The following TLK2 variants were observed in gnomAD, a reference collection of about 807,000 sequenced individuals.
TLK2 encodes the protein tousled like kinase 2.
TLK2 carries 6 observed loss-of-function variants against 117.3 expected under a neutral mutation model. The observed-to-expected ratio is 0.05, with a 90% CI of 0.03 to 0.10. The LOEUF is 0.10. Ranked by LOEUF, TLK2 falls within the 10% of genes least tolerant of loss-of-function variation. The pLI is 1.00. For missense variants in TLK2, 299 were observed against 901.2 expected (o/e 0.33, Z 8.56); for synonymous variants, 257 against 316.7 (o/e 0.81, Z 2.00).
chr17:62,543,501 T>C (rs1460350807), intron 7 of TLK2, among the ~76,000 whole-genome samples: 1 of 152,210 alleles, frequency 6.6e-6, no homozygotes, highest in East Asian at 1.9e-4. Context: ...CAGTACTTGC[T>C]ATTGTCTCTC....
At chr17:62,478,222 CG>C (rs1195491200), upstream of TLK2, 2 of 151,662 alleles carry the variant, frequency 1.3e-5, no homozygotes, top group Admixed American at 6.6e-5. Flanking sequence ...CCGGGAAGTC[CG>C]GGCGGGGTCC....
At chr17:62,491,446 C>T (rs1356227419) in intron 2 of TLK2, among the ~76,000 whole-genome samples, 1 of 152,066 alleles carries the variant, frequency 6.6e-6, no homozygotes, top group East Asian at 1.9e-4. Flanking sequence ...TCTATTCTTC[C>T]TCTCTACCTT....
intron 2 of TLK2, among the ~76,000 whole-genome samples, chr17:62,501,192 C>T (rs572136036): frequency 1.5e-4 from 23 of 151,956 alleles, no homozygotes; most frequent in Admixed American, 2.6e-4. Flanking sequence ...GAGCCAAGAT[C>T]GTGCCACTAC....
At chr17:62,501,292 C>T (rs1480460175) in intron 2 of TLK2, among the ~76,000 whole-genome samples, 1 of 152,006 alleles carries the variant, frequency 6.6e-6, no homozygotes, top group Admixed American at 6.6e-5. Context: ...CACAGTATAT[C>T]AAAATTTGTG....
At chr17:62,544,579 A>T (rs2077769385) in intron 7 of TLK2, among the ~76,000 whole-genome samples, 1 of 152,182 alleles carries the variant, frequency 6.6e-6, no homozygotes, top group Non-Finnish European at 1.5e-5. Flanking sequence ...ACCTGTCTTT[A>T]TGCCAGGACC....
chr17:62,563,754 T>C (rs2079494882), intron 10 of TLK2, among the ~76,000 whole-genome samples: 1 of 152,230 alleles, frequency 6.6e-6, no homozygotes, highest in Non-Finnish European at 1.5e-5. Context: ...TGTCCTATAC[T>C]TAACATTCTT....
chr17:62,612,382 T>A lies in TLK2; in HGVS notation c.2080-10T>A, dbSNP rs533357037. 7 of 1,611,664 alleles carry A rather than the reference T, an allele frequency of 4.3e-6. No homozygotes were observed. In the Admixed American group the frequency reaches 1.0e-4, roughly 23 times the overall value. ...ATCTGCCTCTGTCTTCAAGAAACTC[T>A]CCTTTGCAGGCGTTTATTCGACGAT... On this transcript the variant is annotated splice_polypyrimidine_tract_variant and intron_variant, in intron 21 of 21. Transcript: ENST00000346027.
chr17:62,541,036 G>C (rs191642860), intron 7 of TLK2, among the ~76,000 whole-genome samples: 2 of 152,220 alleles, frequency 1.3e-5, no homozygotes, highest in East Asian at 3.9e-4. Context: ...TGCGTTGGCT[G>C]TTGCCTTTGC....
intron 2 of TLK2, among the ~76,000 whole-genome samples, chr17:62,499,725 C>T (rs1259805948): frequency 6.6e-6 from 1 of 151,910 alleles, no homozygotes; most frequent in Non-Finnish European, 1.5e-5. Context: ...GTGGCATGTG[C>T]CTGTAATCCC....
In TLK2 at chr17:62,536,329, T is replaced by C. The variant is rs2145841879; in HGVS notation, c.523T>C (p.Phe175Leu). Residue 175 changes from phenylalanine to leucine, a missense_variant, in exon 7 of 22, where the codon TTT becomes CTT. This residue lies in a region of TLK2 where 105 missense variants were observed against 218.4 expected (regional missense o/e 0.48). Transcript: ENST00000346027. ...AQRGAGLCFT[F>L]VSAQQNSPSS... ...AAGGGGAGCTGGCCTCTGCTTCACT[T>C]TTGTTTCAGTGAGTACAAAGCCTAA... 1 of 1,612,150 alleles carries C rather than the reference T, an allele frequency of 6.2e-7. No homozygotes were observed. Among genetic ancestry groups the C allele is most frequent in the East Asian group, 2.2e-5 (1 of 44,828 alleles).
intron 2 of TLK2, among the ~76,000 whole-genome samples, chr17:62,503,311 G>A (rs1346306799): frequency 6.6e-6 from 1 of 151,944 alleles, no homozygotes; most frequent in Non-Finnish European, 1.5e-5. Flanking sequence ...GCCTGCCTTG[G>A]CCTCCCAAAG....
At chr17:62,534,701 AT>A (rs1260524399) in intron 6 of TLK2, among the ~76,000 whole-genome samples, 6 of 151,628 alleles carry the variant, frequency 4.0e-5, no homozygotes, top group Non-Finnish European at 5.9e-5. Context: ...TTTTTACTTC[AT>A]TTTTTTCTTT....
At chr17:62,476,675 G>A (rs1437114022), upstream of TLK2, among the ~76,000 whole-genome samples, 1 of 152,184 alleles carries the variant, frequency 6.6e-6, no homozygotes, top group Admixed American at 6.5e-5. Flanking sequence ...AAGGTTAGAT[G>A]ATAGGCCCAT....
chr17:62,599,128 G>T (rs1488528273), intron 17 of TLK2, among the ~76,000 whole-genome samples: 1 of 152,102 alleles, frequency 6.6e-6, no homozygotes, highest in African/African-American at 2.4e-5. Context: ...TGTATTTTTA[G>T]TAGAGACAGA....
chr17:62,588,661 G>A (rs941416446), intron 16 of TLK2, among the ~76,000 whole-genome samples: 1 of 151,798 alleles, frequency 6.6e-6, no homozygotes, highest in South Asian at 2.1e-4. Context: ...TCTTTTTTTT[G>A]TTTTGTTTTG....
intron 21 of TLK2, among the ~76,000 whole-genome samples, chr17:62,609,725 T>TAC (rs1199983068): frequency 6.6e-6 from 1 of 152,254 alleles, no homozygotes; most frequent in Non-Finnish European, 1.5e-5. Context: ...GTGTCAGCTC[T>TAC]ACACTCAGTA....
chr17:62,523,409 T>C (rs1171742131), intron 5 of TLK2, among the ~76,000 whole-genome samples: 1 of 152,092 alleles, frequency 6.6e-6, no homozygotes, highest in African/African-American at 2.4e-5. Context: ...GGAAACCCTG[T>C]CTCTACAAAA....
intron 2 of TLK2, among the ~76,000 whole-genome samples, chr17:62,505,622 T>A (rs1598273771): frequency 6.6e-6 from 1 of 152,034 alleles, no homozygotes; most frequent in Non-Finnish European, 1.5e-5. Flanking sequence ...GACACCATTT[T>A]AAAAATGCTT....
chr17:62,527,933 G>A (rs1448276182), intron 6 of TLK2, among the ~76,000 whole-genome samples: 1 of 151,938 alleles, frequency 6.6e-6, no homozygotes, highest in African/African-American at 2.4e-5. Context: ...AGTAGAGACG[G>A]GGTTTCACCA....
Sources: allele counts gnomAD v4.1 joint callset (sites outside exome capture counted in the v4.1 genomes callset), GRCh38; gene constraint gnomAD v4.1.1; regional missense constraint gnomAD v4.1.1; transcripts MANE v1.5; gene names NCBI Gene and HGNC (gene_info 2026-07-23, HGNC 2026-07-21).